Variants in ARMH3 observed in about 807,000 individuals in gnomAD.
ARMH3 encodes the protein armadillo like helical domain containing 3, also known as armadillo-like helical domain-containing protein 3.
ARMH3 carries 60 observed loss-of-function variants against 99.1 expected under a neutral mutation model. That is an observed-to-expected ratio of 0.61 (90% CI 0.49 to 0.75). ARMH3 has a LOEUF of 0.75. ARMH3 is among the 30% of genes least tolerant of loss of function. The pLI is 0.00. For missense variants in ARMH3, 679 were observed against 843.1 expected (o/e 0.81, Z 2.41); for synonymous variants, 285 against 292.8 (o/e 0.97, Z 0.27).
intron 5 of ARMH3, among the ~76,000 whole-genome samples, chr10:102,029,117 C>T (rs1038768790): frequency 3.3e-5 from 5 of 152,194 alleles, no homozygotes; most frequent in African/African-American, 7.2e-5. Flanking sequence ...TCAAGCAATC[C>T]GCCTGCCTTG....
intron 22 of ARMH3, among the ~76,000 whole-genome samples, chr10:101,941,146 G>A (rs184957053): frequency 5.6e-4 from 86 of 152,250 alleles, no homozygotes; most frequent in Non-Finnish European, 4.9e-4. Flanking sequence ...AAACCTGGAG[G>A]GAAATGACTC....
At position 101,889,435 on chromosome 10, in the gene ARMH3, T is replaced by C; in HGVS notation, c.1837A>G (p.Ile613Val). The change falls in exon 24 of 26, where the codon ATA becomes GTA. Residue 613 changes from isoleucine (I) to valine (V), a missense_variant. Around this residue, in one of 3 missense-constraint regions of ARMH3, gnomAD observed 389 missense variants for 456.5 expected, o/e 0.85. Transcript: ENST00000370033. ...ACCTGCTCCTCTGACAGTTGGGATA[T>C]GTGATTCACAGCAGCGTAGGACTCA... ...KIESYAAVNH[I>V]SQLSEEQVLE... 6.2e-7 allele frequency: 1 copy of C among 1,614,000 alleles called. No homozygotes were observed. Among genetic ancestry groups the C allele is most frequent in the Middle Eastern group, 1.6e-4 (1 of 6,062 alleles).
At chr10:102,038,118 G>C (rs1181866137) in intron 2 of ARMH3, among the ~76,000 whole-genome samples, 12 of 117,482 alleles carry the variant, frequency 1.0e-4, no homozygotes, top group Middle Eastern at 6.6e-3. Context: ...TTTTTGAGAT[G>C]GAGTCTCGCT....
rs536217795 is a variant in ARMH3, at chr10:102,023,732, G to C, written c.525C>G (p.Ser175Arg). ...TTACATACTCGAGAATAGTGTTCTG[G>C]CTGATGTTATCTGTCACCTGAATGT... ...LCLVTVTDNI[S>R]QNTILEYVMI... Residue 175 changes from serine (S) to arginine (R), a missense_variant, in exon 7 of 26, where the codon AGC becomes AGG. Physicochemically the swap from Ser to Arg is moderately radical, Grantham distance 110. This residue lies in a region of ARMH3 where 280 missense variants were observed against 354.6 expected (regional missense o/e 0.79). Transcript: ENST00000370033. 6.2e-7 allele frequency: 1 copy of C among 1,614,042 alleles called. No homozygotes were observed. Among genetic ancestry groups the C allele is most frequent in the South Asian group, 1.1e-5 (1 of 91,076 alleles).
intron 8 of ARMH3, among the ~76,000 whole-genome samples, chr10:102,018,824 G>T (rs754380076): frequency 6.6e-5 from 10 of 152,072 alleles, no homozygotes; most frequent in Non-Finnish European, 1.2e-4. Context: ...GGGCATGGTG[G>T]CGCATGCCTG....
At chr10:101,863,681 T>C (rs1055206804) in intron 24 of ARMH3, among the ~76,000 whole-genome samples, 5 of 152,068 alleles carry the variant, frequency 3.3e-5, no homozygotes, top group East Asian at 1.9e-4. Context: ...TCCCAGCACT[T>C]TGGAAGGCCG....
chr10:102,051,171 AAAAG>A lies in ARMH3; in HGVS notation c.-12+4910_-12+4913del, dbSNP rs1339060443. Among the ~76,000 whole-genome samples, 494 of 151,058 alleles carry A rather than the reference AAAAG, an allele frequency of 3.3e-3. 4 individuals carry two copies. The highest frequency in any genetic ancestry group is 0.025 in the Admixed American group (376 of 15,064). ...AGACTCTGTCTCAAAAAAAAAAAAA[AAAAG>A]AAAGAAAGAAAAGTCAAGTGGGCGC... On this transcript the variant is annotated intron_variant, in intron 1 of 25. Transcript: ENST00000370033.
Position 102,034,585 on chromosome 10 carries a change from G to A in ARMH3, c.103-1246C>T, listed in dbSNP as rs552609480. ...TGGGAGGCGGAGCTTGCAGTGAGCC[G>A]AGATCACACTGCTGCACTCCAGCCT... On this transcript the variant is annotated intron_variant, in intron 2 of 25. Coordinates refer to ENST00000370033, the MANE Select transcript of ARMH3 (RefSeq NM_024541.3). Among the ~76,000 whole-genome samples, 205 of 149,800 alleles carry A rather than the reference G, an allele frequency of 1.4e-3. 1 individual carries two copies. The highest frequency in any genetic ancestry group is 4.1e-3 in the African/African-American group (168 of 40,606).
At chr10:101,852,096 C>G (rs2066617062) in intron 24 of ARMH3, among the ~76,000 whole-genome samples, 2 of 152,218 alleles carry the variant, frequency 1.3e-5, no homozygotes, top group African/African-American at 4.8e-5. Flanking sequence ...TTCCTATGCC[C>G]TGAAATCTGG....
intron 15 of ARMH3, among the ~76,000 whole-genome samples, chr10:101,997,585 C>T (rs912170666): frequency 4.7e-5 from 7 of 147,862 alleles, no homozygotes; most frequent in Non-Finnish European, 7.4e-5. Flanking sequence ...AGCAAGACTC[C>T]GTCTCAAAAA....
chr10:101,987,669 C>A (rs1379927123), intron 19 of ARMH3, among the ~76,000 whole-genome samples: 1 of 152,146 alleles, frequency 6.6e-6, no homozygotes, highest in Non-Finnish European at 1.5e-5. Context: ...CTATGGCTTC[C>A]ATCCTGGGCT....
chr10:102,046,043 C>T (rs768509606), intron 1 of ARMH3, among the ~76,000 whole-genome samples: 5 of 151,880 alleles, frequency 3.3e-5, no homozygotes, highest in South Asian at 2.1e-4. Flanking sequence ...TACAGTGAGA[C>T]GAGATCGCAC....
At chr10:102,031,059 C>T (rs1459775835) in intron 4 of ARMH3, among the ~76,000 whole-genome samples, 1 of 152,188 alleles carries the variant, frequency 6.6e-6, no homozygotes, top group Non-Finnish European at 1.5e-5. Flanking sequence ...GTTGGGATTA[C>T]AGGCGTGAGC....
chr10:101,969,002 C>T (rs1487775012), intron 20 of ARMH3, among the ~76,000 whole-genome samples: 1 of 152,162 alleles, frequency 6.6e-6, no homozygotes, highest in Non-Finnish European at 1.5e-5. Context: ...TAATTAGGCA[C>T]ATCAGCCTAG....
At chr10:101,896,709 T>C (rs17698831) in intron 23 of ARMH3, among the ~76,000 whole-genome samples, 1 of 152,156 alleles carries the variant, frequency 6.6e-6, no homozygotes, top group Non-Finnish European at 1.5e-5. Context: ...AAAGCTTGCA[T>C]ATGTTAGCAA....
At chr10:101,985,568 G>C (rs931314645) in intron 19 of ARMH3, among the ~76,000 whole-genome samples, 1 of 151,796 alleles carries the variant, frequency 6.6e-6, no homozygotes, top group African/African-American at 2.4e-5. Context: ...TATAAAAATA[G>C]CCAGGCATGG....
intron 23 of ARMH3, among the ~76,000 whole-genome samples, chr10:101,917,810 T>C (rs1843146562): frequency 1.3e-5 from 2 of 152,186 alleles, no homozygotes; most frequent in Admixed American, 1.3e-4. Flanking sequence ...CATTAATACT[T>C]TGTTTACTTT....
At chr10:101,877,887 T>G (rs746938774) in intron 24 of ARMH3, among the ~76,000 whole-genome samples, 2 of 152,152 alleles carry the variant, frequency 1.3e-5, no homozygotes, top group African/African-American at 2.4e-5. Flanking sequence ...TTCATCCAGC[T>G]TGGCTGTGGG....
intron 11 of ARMH3, 36 bp downstream of exon 11, chr10:102,011,687 G>GC (rs1554889328): frequency 2.0e-6 from 3 of 1,523,298 alleles, no homozygotes; most frequent in Admixed American, 3.8e-5. Context: ...CACTGTTTCT[G>GC]TTTTTTTCAG....
Sources: allele counts gnomAD v4.1 joint callset (sites outside exome capture counted in the v4.1 genomes callset), GRCh38; gene constraint gnomAD v4.1.1; regional missense constraint gnomAD v4.1.1; transcripts MANE v1.5; gene names NCBI Gene and HGNC (gene_info 2026-07-23, HGNC 2026-07-21).